The following IQCJ variants were observed in gnomAD, a reference collection of about 807,000 sequenced individuals.
IQCJ encodes the protein IQ domain-containing protein J.
Under a neutral mutation model 11.0 loss-of-function variants are expected in IQCJ, and 9 were observed. That is an observed-to-expected ratio of 0.82 (90% CI 0.49 to 1.43). The LOEUF is 1.43. Ranked by LOEUF, IQCJ falls within the 40% of genes most tolerant of loss-of-function variation. IQCJ has a pLI of 0.00. For missense variants in IQCJ, 146 were observed against 133.2 expected (o/e 1.10, Z -0.47); for synonymous variants, 55 against 51.3 (o/e 1.07, Z -0.31).
At chr3:159,152,611 T>C (rs1398062216) in intron 1 of IQCJ, among the ~76,000 whole-genome samples, 1 of 152,228 alleles carries the variant, frequency 6.6e-6, no homozygotes, top group African/African-American at 2.4e-5. Context: ...TTTGCTGTAT[T>C]TTTTGAGAAT....
In IQCJ at chr3:159,107,426, AT is replaced by A. The variant is rs569061332; in HGVS notation, c.9+37992del. Among the ~76,000 whole-genome samples the A allele has an allele frequency of 8.5e-5, 13 of 152,226 alleles. 1 individual carries two copies. The South Asian group carries it at 1.9e-3, about 22-fold the overall frequency. On this transcript the variant is annotated intron_variant, in intron 1 of 3. Transcript: ENST00000397832. ...TCCCTTTCCAAAACTGTGAAAAATA[AT>A]TTTTTTATCAGCTATCCAGTTTATA...
intron 1 of IQCJ, among the ~76,000 whole-genome samples, chr3:159,184,138 G>A (rs1376142087): frequency 6.6e-6 from 1 of 151,602 alleles, no homozygotes; most frequent in Non-Finnish European, 1.5e-5. Flanking sequence ...ATTCACCCCC[G>A]CTCACCTCTC....
At chr3:159,173,607 G>A (rs968119862) in intron 1 of IQCJ, among the ~76,000 whole-genome samples, 2 of 151,932 alleles carry the variant, frequency 1.3e-5, no homozygotes, top group Non-Finnish European at 2.9e-5. Flanking sequence ...TAATTAATTA[G>A]AGTAGAGAAT....
intron 1 of IQCJ, among the ~76,000 whole-genome samples, chr3:159,162,845 C>T (rs1458469354): frequency 6.6e-6 from 1 of 152,178 alleles, no homozygotes; most frequent in Non-Finnish European, 1.5e-5. Flanking sequence ...AATTCCTTGA[C>T]AAATACACCC....
intron 1 of IQCJ, among the ~76,000 whole-genome samples, chr3:159,106,945 T>A (rs1718300976): frequency 6.6e-6 from 1 of 152,220 alleles, no homozygotes; most frequent in Admixed American, 6.5e-5. Flanking sequence ...CAAGTCTGCT[T>A]TATAGGAGCC....
In IQCJ at chr3:159,245,830, C is replaced by T. The variant is rs2108196228; in HGVS notation, c.10-13C>T. ...GGTGACAATTTGTAAGATATATCTT[C>T]TCTTTTTCACAGGAAGAACTGAAAA... On this transcript the variant is annotated splice_polypyrimidine_tract_variant and intron_variant, in intron 1 of 3. Transcript: ENST00000397832. 6.5e-7 allele frequency: 1 copy of T among 1,540,172 alleles called. No individual in the cohort carries two copies. Among genetic ancestry groups the T allele is most frequent in the Non-Finnish European group, 8.8e-7 (1 of 1,137,506 alleles).
Position 159,245,900 on chromosome 3 carries a change from T to C in IQCJ, c.67T>C (p.Phe23Leu), listed in dbSNP as rs1727244053. The change falls in exon 2 of 4, where the codon TTT becomes CTT. Residue 23 changes from phenylalanine (F) to leucine (L), a missense_variant. Phe to Leu is a conservative substitution (Grantham distance 22). Coordinates refer to ENST00000397832, the MANE Select transcript of IQCJ (RefSeq NM_001042706.3). ...LEQVNDGKYS[F>L]ENHQLAMDAE... ...ACAAGTTAATGATGGAAAATATTCA[T>C]TTGAAAAGTAAGTAAAAAGTATTAA... 1 of 1,537,496 alleles carries C rather than the reference T, an allele frequency of 6.5e-7. No individual in the cohort carries two copies. Among genetic ancestry groups the C allele is most frequent in the Admixed American group, 2.0e-5 (1 of 50,658 alleles).
chr3:159,101,010 C>T (rs1409747399), intron 1 of IQCJ, among the ~76,000 whole-genome samples: 58 of 18,988 alleles, frequency 3.1e-3, no homozygotes, highest in African/African-American at 0.012. Context: ...GCTGTGCTAG[C>T]AATCAGCGAG....
chr3:159,087,231 C>T (rs1169182144), intron 1 of IQCJ, among the ~76,000 whole-genome samples: 1 of 151,596 alleles, frequency 6.6e-6, no homozygotes, highest in African/African-American at 2.4e-5. Context: ...TATTGATTTG[C>T]ATATATTGAA....
At chr3:159,176,323 CTATTTTATT>C (rs1722792244) in intron 1 of IQCJ, among the ~76,000 whole-genome samples, 1 of 151,858 alleles carries the variant, frequency 6.6e-6, no homozygotes, top group South Asian at 2.1e-4. Flanking sequence ...TTACTGTTGT[CTATTTTATT>C]TTTTAAAATA....
chr3:159,142,624 G>GTGAAA (rs1720682617), intron 1 of IQCJ, among the ~76,000 whole-genome samples: 1 of 152,210 alleles, frequency 6.6e-6, no homozygotes, highest in Admixed American at 6.5e-5. Flanking sequence ...CACCATGTTG[G>GTGAAA]CCAGGCTGGT....
intron 1 of IQCJ, among the ~76,000 whole-genome samples, chr3:159,237,564 TA>T (rs758916405): frequency 1.7e-4 from 26 of 152,234 alleles, no homozygotes; most frequent in Non-Finnish European, 2.9e-4. Context: ...CATAACAGTA[TA>T]GCCTAGATTC....
chr3:159,163,108 G>A (rs955981163), intron 1 of IQCJ, among the ~76,000 whole-genome samples: 1 of 152,208 alleles, frequency 6.6e-6, no homozygotes, highest in Non-Finnish European at 1.5e-5. Flanking sequence ...AAGCTGGGCA[G>A]AGACACAACC....
At chr3:159,174,615 C>T (rs1052593519) in intron 1 of IQCJ, among the ~76,000 whole-genome samples, 1 of 152,040 alleles carries the variant, frequency 6.6e-6, no homozygotes, top group Non-Finnish European at 1.5e-5. Context: ...TTTAAAATCT[C>T]TAACGAAATC....
At chr3:159,265,500 C>T (rs139243195), downstream of IQCJ, 2,916 of 944,454 alleles carry the variant, frequency 3.1e-3, 10 homozygotes, top group Non-Finnish European at 3.7e-3. Context: ...ACCATGAGTC[C>T]ATTTGGAACT....
intron 1 of IQCJ, among the ~76,000 whole-genome samples, chr3:159,085,488 G>T (rs1173823190): frequency 8.0e-5 from 12 of 150,554 alleles, no homozygotes; most frequent in Middle Eastern, 3.4e-3. Context: ...CTGAGGAATC[G>T]CCACACTGAC....
chr3:159,163,135 G>T lies in IQCJ; in HGVS notation c.10-82708G>T, dbSNP rs528354416. ...GACACAACCAAAAAAGAGAATTTGA[G>T]ACCAATATCCTTGATGAACATTGAT... is the stretch of plus-strand genomic sequence containing the variant. On this transcript the variant is annotated intron_variant, in intron 1 of 3. Coordinates refer to ENST00000397832, the MANE Select transcript of IQCJ (RefSeq NM_001042706.3). Among the ~76,000 whole-genome samples the T allele has an allele frequency of 1.3e-4, 20 of 152,298 alleles. No homozygotes were observed. The South Asian group carries it at 3.3e-3, about 25-fold the overall frequency.
At chr3:159,156,628 C>A (rs1021407199) in intron 1 of IQCJ, among the ~76,000 whole-genome samples, 1 of 152,290 alleles carries the variant, frequency 6.6e-6, no homozygotes, top group Admixed American at 6.5e-5. Context: ...CAAAAAGCTT[C>A]TTTCAACACT....
chr3:159,183,658 T>C (rs1374567049), intron 1 of IQCJ, among the ~76,000 whole-genome samples: 4 of 152,232 alleles, frequency 2.6e-5, no homozygotes, highest in Admixed American at 1.3e-4. Context: ...CCAATGCTAG[T>C]TGAGTAGCTC....
Sources: allele counts gnomAD v4.1 joint callset (sites outside exome capture counted in the v4.1 genomes callset), GRCh38; gene constraint gnomAD v4.1.1; transcripts MANE v1.5; gene names NCBI Gene and HGNC (gene_info 2026-07-23, HGNC 2026-07-21).